Variants in TUB observed in about 807,000 individuals in gnomAD.
The protein encoded by TUB is TUB bipartite transcription factor, also known as tubby protein homolog.
A neutral mutation model predicts 59.7 loss-of-function variants in TUB; 33 were observed. That is an observed-to-expected ratio of 0.55 (90% CI 0.42 to 0.74). The LOEUF (loss-of-function observed/expected upper bound fraction) is 0.74, where lower values mean the gene tolerates loss of function less well. TUB is among the 30% of genes least tolerant of loss of function. The pLI is 0.00. For synonymous variants in TUB, 293 were observed against 256.4 expected (o/e 1.14, Z -1.36); for missense variants, 659 against 672.0 (o/e 0.98, Z 0.21).
chr11:8,051,485 T>C (rs1369719660), intron 2 of TUB, among the ~76,000 whole-genome samples: 2 of 152,242 alleles, frequency 1.3e-5, no homozygotes, highest in East Asian at 3.8e-4. Context: ...GATCACTTTC[T>C]TAGAATAGCT....
chr11:8,044,832 T>G (rs1942805889), intron 2 of TUB, among the ~76,000 whole-genome samples: 1 of 152,138 alleles, frequency 6.6e-6, no homozygotes, highest in Non-Finnish European at 1.5e-5. Flanking sequence ...GGAAAGCACT[T>G]TATTTACTCT....
chr11:8,082,792 C>A (rs1943595285), intron 1 of TUB, among the ~76,000 whole-genome samples: 1 of 152,188 alleles, frequency 6.6e-6, no homozygotes, highest in African/African-American at 2.4e-5. Context: ...AGGCACGTGG[C>A]CTGGGAACTC....
intron 2 of TUB, among the ~76,000 whole-genome samples, chr11:8,049,578 T>TATATATAGATAGATAGATAGATAGATAG (rs1055522231): frequency 4.7e-5 from 4 of 85,926 alleles, no homozygotes; most frequent in African/African-American, 1.4e-4. Flanking sequence ...TATATATATA[T>TATATATAGATAGATAGATAGATAGATAG]ATAGATAGAT....
At chr11:8,031,291 T>G (rs1942567371) in intron 1 of TUB, among the ~76,000 whole-genome samples, 1 of 152,030 alleles carries the variant, frequency 6.6e-6, no homozygotes, top group Non-Finnish European at 1.5e-5. Context: ...TGGAAGGAGG[T>G]CAGGTACACT....
At position 8,057,653 on chromosome 11, in the gene TUB, C is replaced by A. The variant is rs796910433; in HGVS notation, c.203+17961C>A. ...CCTTATCTTGTCCCCTGCGAAGTCA[C>A]GGAGGTTTGGGGAGTTCCTTCAGCC... On this transcript the variant is annotated intron_variant, in intron 2 of 12. Coordinates refer to the TUB transcript ENST00000305253. Among the ~76,000 whole-genome samples the A allele has an allele frequency of 8.5e-5, 13 of 152,184 alleles. No individual in the cohort carries two copies. The East Asian group carries it at 1.5e-3, about 18-fold the overall frequency.
chr11:8,104,429 T>A lies in TUB; in HGVS notation c.*2810T>A, dbSNP rs1184753101. 6.6e-6 allele frequency: 1 copy of A among 152,284 alleles called. No homozygotes were observed. The highest frequency in any genetic ancestry group is 2.4e-5 in the African/African-American group (1 of 41,442). The allele number at this position is 152,284 out of a possible 1,614,324, so 9.4% of individuals were successfully genotyped here. A position where few individuals can be genotyped will look rare whatever the true frequency, so the allele number is the denominator to read the frequency against. On this transcript the variant is annotated 3_prime_UTR_variant, in exon 12 of 12. Coordinates refer to ENST00000299506, the MANE Select transcript of TUB (RefSeq NM_177972.3). ...AAGGTGCTCTGTGTCCGTCTGTGTA[T>A]GTGTGTGTCTGTGCGTCTGTGTGTT...
At chr11:8,088,776 A>G (rs867701319) in intron 1 of TUB, among the ~76,000 whole-genome samples, 6 of 152,302 alleles carry the variant, frequency 3.9e-5, no homozygotes, top group Admixed American at 1.3e-4. Flanking sequence ...CCAGTTCCCT[A>G]CTTGTGCCCT....
At chr11:8,058,321 G>A (rs1345507906) in intron 2 of TUB, among the ~76,000 whole-genome samples, 1 of 151,952 alleles carries the variant, frequency 6.6e-6, no homozygotes, top group Non-Finnish European at 1.5e-5. Context: ...TCATTTTACT[G>A]CCTTTCCCTG....
chr11:8,023,280 C>T (rs529352426), intron 1 of TUB, among the ~76,000 whole-genome samples: 42 of 152,172 alleles, frequency 2.8e-4, no homozygotes, highest in Non-Finnish European at 4.0e-4. Context: ...AATGCCAGCC[C>T]ACATTTCAGG....
chr11:8,085,192 G>GA (rs1943641997), intron 1 of TUB, among the ~76,000 whole-genome samples: 1 of 152,196 alleles, frequency 6.6e-6, no homozygotes, highest in Non-Finnish European at 1.5e-5. Context: ...GTTCTTTAGA[G>GA]ATCACCAGCT....
chr11:8,093,755 C>T (rs1162222047), intron 3 of TUB, among the ~76,000 whole-genome samples: 1 of 152,162 alleles, frequency 6.6e-6, no homozygotes, highest in African/African-American at 2.4e-5. Context: ...GTTTGGTGGC[C>T]CAGAACTTTT....
chr11:8,044,487 T>A (rs985251309), intron 2 of TUB, among the ~76,000 whole-genome samples: 1 of 152,238 alleles, frequency 6.6e-6, no homozygotes, highest in Admixed American at 6.5e-5. Flanking sequence ...AACATTTATG[T>A]CTGCTAATTC....
At chr11:8,074,318 GTC>G (rs1337845931) in intron 2 of TUB, among the ~76,000 whole-genome samples, 2 of 152,266 alleles carry the variant, frequency 1.3e-5, no homozygotes, top group East Asian at 3.9e-4. Flanking sequence ...ACTGGACTGT[GTC>G]TCTCACTCTA....
At chr11:8,038,692 C>T in exon 1 of TUB, 1 of 1,442,472 alleles carries the variant, frequency 6.9e-7, no homozygotes, top group Non-Finnish European at 9.1e-7. Flanking sequence ...GAAGATGTTT[C>T]CATGTCCTAA....
intron 1 of TUB, among the ~76,000 whole-genome samples, chr11:8,022,754 G>A (rs189637084): frequency 6.6e-6 from 1 of 152,264 alleles, no homozygotes; most frequent in African/African-American, 2.4e-5. Flanking sequence ...GCCAGGTGTG[G>A]TGGCACATAC....
At chr11:8,082,086 A>G (rs1943579744) in intron 1 of TUB, among the ~76,000 whole-genome samples, 1 of 152,238 alleles carries the variant, frequency 6.6e-6, no homozygotes, top group Non-Finnish European at 1.5e-5. Context: ...TCACAAAGAC[A>G]CATGCCTGCA....
At chr11:8,085,546 A>G (rs566415217) in intron 1 of TUB, among the ~76,000 whole-genome samples, 8 of 152,352 alleles carry the variant, frequency 5.3e-5, no homozygotes, top group Admixed American at 2.0e-4. Context: ...CCAGGGGCAC[A>G]GGGTTGCAGC....
Position 8,089,701 on chromosome 11 carries a change from G to A in TUB, c.90+40G>A, listed in dbSNP as rs1204436867. ...GGCCGGGTAGAAGGGAAGAGTCTGG[G>A]CTGGGATCTCTGAGGGCAGAGGGGC... On this transcript the variant is annotated intron_variant, in intron 2 of 11. Transcript: ENST00000299506. The A allele has an allele frequency of 2.5e-6, 4 of 1,613,166 alleles. No individual in the cohort carries two copies. In the African/African-American group the frequency reaches 4.0e-5, roughly 16 times the overall value.
chr11:8,021,195 G>A (rs971291561), intron 1 of TUB, among the ~76,000 whole-genome samples: 23 of 152,232 alleles, frequency 1.5e-4, no homozygotes, highest in Non-Finnish European at 2.8e-4. Flanking sequence ...TGGCGCAGTG[G>A]CTCACACCTG....
Sources: allele counts gnomAD v4.1 joint callset (sites outside exome capture counted in the v4.1 genomes callset), GRCh38; gene constraint gnomAD v4.1.1; transcripts MANE v1.5; gene names NCBI Gene and HGNC (gene_info 2026-07-23, HGNC 2026-07-21).